PSPC1: variants seen among roughly 807,000 people sequenced by gnomAD.
PSPC1 encodes paraspeckle protein 1.
Under a neutral mutation model 51.6 loss-of-function variants are expected in PSPC1, and 14 were observed. The ratio of observed to expected loss-of-function variants is 0.27; its 90% CI spans 0.18 to 0.42. The LOEUF is 0.42. PSPC1 is among the 10% of genes least tolerant of loss of function. The pLI is 1.00. For missense variants in PSPC1, 406 were observed against 701.1 expected (o/e 0.58, Z 4.75); for synonymous variants, 193 against 231.9 (o/e 0.83, Z 1.53).
intron 1 of PSPC1, among the ~76,000 whole-genome samples, chr13:19,776,960 T>C (rs1889205421): frequency 6.8e-6 from 1 of 147,086 alleles, no homozygotes; most frequent in South Asian, 2.2e-4. Context: ...ACCCTATCTC[T>C]ACTAAAAATA....
intron 6 of PSPC1, among the ~76,000 whole-genome samples, chr13:19,729,174 G>C (rs1045148190): frequency 2.0e-5 from 3 of 152,044 alleles, no homozygotes; most frequent in African/African-American, 7.3e-5. Context: ...GTAACTACTA[G>C]AAAAGAAGGT....
intron 6 of PSPC1, among the ~76,000 whole-genome samples, chr13:19,687,693 A>G (rs1878079133): frequency 2.4e-5 from 1 of 41,914 alleles, no homozygotes; most frequent in Non-Finnish European, 5.6e-5. Context: ...TATCATAATC[A>G]CTCCACGTCT....
In PSPC1 at chr13:19,709,430, G is replaced by T. The variant is rs1881127103; in HGVS notation, c.1216+112C>A. 6.6e-6 allele frequency: 5 copies of T among 755,658 alleles called. No homozygotes were observed. In the African/African-American group the frequency reaches 8.8e-5, roughly 13 times the overall value. 46.8% of individuals were successfully genotyped at this position (755,658 alleles called of 1,614,324 possible). A position where few individuals can be genotyped will look rare whatever the true frequency, so the allele number is the denominator to read the frequency against. ...ATGGATGTAAGAGATTTCACCTTTA[G>T]AAATGTTGGTTCTGTATTTTAGTTT... On this transcript the variant is annotated intron_variant, in intron 7 of 8. Transcript: ENST00000338910.
At chr13:19,735,069 T>C (rs1367176351) in intron 5 of PSPC1, among the ~76,000 whole-genome samples, 1 of 151,544 alleles carries the variant, frequency 6.6e-6, no homozygotes, top group Non-Finnish European at 1.5e-5. Context: ...CCCAGCGCTT[T>C]GGGAGGACAA....
intron 1 of PSPC1, among the ~76,000 whole-genome samples, chr13:19,780,879 C>T (rs933933347): frequency 6.6e-6 from 1 of 152,108 alleles, no homozygotes; most frequent in Non-Finnish European, 1.5e-5. Flanking sequence ...AGTTCCAGGC[C>T]GGACACAGTG....
At chr13:19,727,571 G>C (rs957513852) in intron 6 of PSPC1, among the ~76,000 whole-genome samples, 7 of 152,124 alleles carry the variant, frequency 4.6e-5, no homozygotes, top group African/African-American at 1.7e-4. Context: ...TTCCCAAGAA[G>C]CAATGTTTAC....
At chr13:19,727,063 T>C (rs974551891) in intron 6 of PSPC1, among the ~76,000 whole-genome samples, 1 of 152,244 alleles carries the variant, frequency 6.6e-6, no homozygotes, top group African/African-American at 2.4e-5. Flanking sequence ...CTTTTCTTTA[T>C]TGAAAAGGCA....
intron 7 of PSPC1, chr13:19,675,548 A>G (rs1337753384): frequency 6.8e-6 from 1 of 147,310 alleles, no homozygotes; most frequent in Non-Finnish European, 1.5e-5. Flanking sequence ...CCAGACATCC[A>G]TAAACTGCTT....
At chr13:19,704,879 A>G (rs1369546211) in intron 8 of PSPC1, among the ~76,000 whole-genome samples, 1 of 152,210 alleles carries the variant, frequency 6.6e-6, no homozygotes, top group Non-Finnish European at 1.5e-5. Context: ...GAATGCCACA[A>G]TGGTGGTTTG....
chr13:19,723,936 C>T (rs1294218792), intron 6 of PSPC1, among the ~76,000 whole-genome samples: 1 of 152,182 alleles, frequency 6.6e-6, no homozygotes. Context: ...ATGTCCAAAC[C>T]ACTGGGACTA....
At chr13:19,760,285 T>C (rs1887490697) in intron 2 of PSPC1, among the ~76,000 whole-genome samples, 1 of 152,136 alleles carries the variant, frequency 6.6e-6, no homozygotes, top group Non-Finnish European at 1.5e-5. Context: ...CCCAGCACTT[T>C]GGAAGGCCAA....
intron 6 of PSPC1, among the ~76,000 whole-genome samples, chr13:19,713,077 T>C (rs887603754): frequency 6.6e-6 from 1 of 152,212 alleles, no homozygotes; most frequent in African/African-American, 2.4e-5. Context: ...CACAACTGTG[T>C]GCCCACCCAA....
intron 6 of PSPC1, among the ~76,000 whole-genome samples, chr13:19,727,932 T>C (rs1883551466): frequency 6.6e-6 from 1 of 152,208 alleles, no homozygotes; most frequent in Non-Finnish European, 1.5e-5. Flanking sequence ...CTTAAGGCAG[T>C]TGAATGTTAT....
intron 6 of PSPC1, among the ~76,000 whole-genome samples, chr13:19,723,215 A>G (rs1882981652): frequency 6.6e-6 from 1 of 152,230 alleles, no homozygotes. Flanking sequence ...ATTCTCCAAA[A>G]GGAAAAAAGA....
chr13:19,778,023 C>A (rs974831067), intron 1 of PSPC1, among the ~76,000 whole-genome samples: 1 of 152,114 alleles, frequency 6.6e-6, no homozygotes, highest in East Asian at 1.9e-4. Context: ...GCGGGCGGAT[C>A]ACGAGGTCAA....
intron 6 of PSPC1, among the ~76,000 whole-genome samples, chr13:19,719,763 A>C (rs1053203240): frequency 7.2e-5 from 11 of 152,260 alleles, no homozygotes; most frequent in African/African-American, 2.7e-4. Flanking sequence ...CCGAAGATCA[A>C]TTAAATGTAA....
intron 6 of PSPC1, among the ~76,000 whole-genome samples, chr13:19,711,638 A>AT (rs1489588336): frequency 4.9e-4 from 42 of 85,502 alleles, no homozygotes; most frequent in African/African-American, 1.4e-3. Context: ...ACTCCGTCTC[A>AT]TAAAAAAAAA....
chr13:19,779,822 C>A (rs1889702386), intron 1 of PSPC1, among the ~76,000 whole-genome samples: 1 of 83,912 alleles, frequency 1.2e-5, no homozygotes, highest in African/African-American at 4.9e-5. Flanking sequence ...AAGTGAGGAG[C>A]CCCTCTGCCC....
chr13:19,771,985 T>G (rs1248626440), intron 2 of PSPC1, among the ~76,000 whole-genome samples: 2 of 152,192 alleles, frequency 1.3e-5, no homozygotes, highest in African/African-American at 4.8e-5. Flanking sequence ...TTTATAGATT[T>G]TACTTTGTAT....
Sources: allele counts gnomAD v4.1 joint callset (sites outside exome capture counted in the v4.1 genomes callset), GRCh38; gene constraint gnomAD v4.1.1; transcripts MANE v1.5; gene names NCBI Gene and HGNC (gene_info 2026-07-23, HGNC 2026-07-21).